The following CNTNAP2 variants were observed in gnomAD, a reference collection of about 807,000 sequenced individuals.
The protein encoded by CNTNAP2 is contactin associated protein 2.
A neutral mutation model predicts 155.2 loss-of-function variants in CNTNAP2; 98 were observed. The observed-to-expected ratio is 0.63, with a 90% CI of 0.54 to 0.75. The LOEUF is 0.75. Ranked by LOEUF, CNTNAP2 falls within the 30% of genes least tolerant of loss-of-function variation. The pLI is 0.00. For synonymous variants in CNTNAP2, 651 were observed against 631.2 expected (o/e 1.03, Z -0.47); for missense variants, 1,727 against 1,688.1 (o/e 1.02, Z -0.40).
chr7:146,611,050 G>A (rs1030443072), intron 1 of CNTNAP2, among the ~76,000 whole-genome samples: 1 of 152,170 alleles, frequency 6.6e-6, no homozygotes, highest in Admixed American at 6.5e-5. Flanking sequence ...ATGATTTCAG[G>A]AAGCATTAAA....
chr7:147,258,567 G>A (rs1199927375), intron 8 of CNTNAP2, among the ~76,000 whole-genome samples: 4 of 151,972 alleles, frequency 2.6e-5, no homozygotes, highest in Non-Finnish European at 4.4e-5. Context: ...CCAGTCCCCT[G>A]AATGAACTCA....
In CNTNAP2 at chr7:148,132,389, T is replaced by A. The variant is rs1429193030; in HGVS notation, c.2554+14101T>A. Among the ~76,000 whole-genome samples, 13 of 152,026 alleles carry A rather than the reference T, an allele frequency of 8.6e-5. No individual in the cohort carries two copies. In the East Asian group the frequency reaches 1.9e-3, roughly 23 times the overall value. On this transcript the variant is annotated intron_variant, in intron 16 of 23. Coordinates refer to ENST00000361727, the MANE Select transcript of CNTNAP2 (RefSeq NM_014141.6). ...TTTTACCTTTAATTTTTTAATTTTTTTTTTTTTTTTAGTTTAGGTACTTCT... is the reference window on the plus strand; with the variant it reads ...TTTTACCTTTAATTTTTTAATTTTTATTTTTTTTTTAGTTTAGGTACTTCT...
At chr7:146,444,024 T>C (rs1464024749) in intron 1 of CNTNAP2, among the ~76,000 whole-genome samples, 2 of 152,134 alleles carry the variant, frequency 1.3e-5, no homozygotes, top group East Asian at 3.9e-4. Flanking sequence ...GTATTTATCA[T>C]GTTATTTATT....
intron 1 of CNTNAP2, among the ~76,000 whole-genome samples, chr7:146,202,525 G>A (rs976823237): frequency 6.6e-5 from 10 of 151,754 alleles, no homozygotes; most frequent in South Asian, 2.1e-4. Flanking sequence ...TTACACTTCC[G>A]GCAATCCAAA....
chr7:148,266,971 G>T, intron 20 of CNTNAP2, 62 bp from the exon 21 acceptor site: 1 of 1,463,798 alleles, frequency 6.8e-7, no homozygotes, highest in Admixed American at 1.7e-5. Flanking sequence ...CCACAGGGAA[G>T]ATTTGGTTCC....
intron 10 of CNTNAP2, among the ~76,000 whole-genome samples, chr7:147,482,472 A>G (rs1798437589): frequency 6.6e-6 from 1 of 152,012 alleles, no homozygotes; most frequent in Non-Finnish European, 1.5e-5. Flanking sequence ...TAATCCCAGC[A>G]CTTTGGGAGT....
intron 8 of CNTNAP2, among the ~76,000 whole-genome samples, chr7:147,268,450 G>T (rs963173610): frequency 6.6e-6 from 1 of 152,108 alleles, no homozygotes; most frequent in Non-Finnish European, 1.5e-5. Context: ...GCATAAGTGG[G>T]AGTTGAATAA....
chr7:146,810,246 A>G (rs1803039572), intron 2 of CNTNAP2, among the ~76,000 whole-genome samples: 1 of 147,362 alleles, frequency 6.8e-6, no homozygotes, highest in Non-Finnish European at 1.5e-5. Flanking sequence ...TCTTTTGATT[A>G]CTACAGTTTT....
chr7:148,306,561 GT>G (rs1175843033), intron 21 of CNTNAP2, among the ~76,000 whole-genome samples: 2 of 151,870 alleles, frequency 1.3e-5, no homozygotes, highest in East Asian at 3.9e-4. Flanking sequence ...CTCTCATTGA[GT>G]TTTTCACTTC....
chr7:146,449,184 T>C (rs1424764466), intron 1 of CNTNAP2, among the ~76,000 whole-genome samples: 1 of 152,124 alleles, frequency 6.6e-6, no homozygotes, highest in Non-Finnish European at 1.5e-5. Context: ...GGTTCTTCTT[T>C]ATATCTTCTA....
chr7:148,056,163 G>A lies in CNTNAP2; in HGVS notation c.2384-61955G>A, dbSNP rs553694828. Among the ~76,000 whole-genome samples, 6 of 152,274 alleles carry A rather than the reference G, an allele frequency of 3.9e-5. No homozygotes were observed. In the South Asian group the frequency reaches 1.2e-3, roughly 32 times the overall value. On this transcript the variant is annotated intron_variant, in intron 15 of 23. Transcript: ENST00000361727. Reference sequence around the variant, plus strand: ...CTCATTGAGAAGGGAGGGAGCTTTGGGGAGACAGTGAGAGAAGAGAATTTA... The same window carrying A: ...CTCATTGAGAAGGGAGGGAGCTTTGAGGAGACAGTGAGAGAAGAGAATTTA...
intron 22 of CNTNAP2, among the ~76,000 whole-genome samples, chr7:148,391,914 GAGTGTTTTATCAC>G (rs1052113679): frequency 1.7e-4 from 26 of 152,296 alleles, no homozygotes; most frequent in African/African-American, 6.0e-4. Flanking sequence ...TTAAGCCTTA[GAGTGTTTTATCAC>G]ATTCGTGATA....
intron 1 of CNTNAP2, among the ~76,000 whole-genome samples, chr7:146,401,075 G>T (rs1795707133): frequency 6.6e-6 from 1 of 152,174 alleles, no homozygotes; most frequent in East Asian, 1.9e-4. Flanking sequence ...AAGGGCTATA[G>T]ATGAAGAACA....
At chr7:146,924,764 G>A (rs577956675) in intron 3 of CNTNAP2, among the ~76,000 whole-genome samples, 124 of 151,980 alleles carry the variant, frequency 8.2e-4, no homozygotes, top group Non-Finnish European at 1.6e-3. Context: ...AAGACCTGAA[G>A]AGTTTTTTGT....
chr7:147,828,753 G>C (rs769871956), intron 13 of CNTNAP2, among the ~76,000 whole-genome samples: 5 of 152,126 alleles, frequency 3.3e-5, no homozygotes, highest in Non-Finnish European at 5.9e-5. Flanking sequence ...TTTTGTGAAA[G>C]AGTAATTAAA....
At chr7:147,611,531 C>G (rs12539960) in intron 12 of CNTNAP2, among the ~76,000 whole-genome samples, 104,131 of 152,064 alleles carry the variant, frequency 0.68, 36,080 homozygotes, top group African/African-American at 0.78. Context: ...TGCTTTCCTA[C>G]AAAAAAAGAC....
intron 1 of CNTNAP2, among the ~76,000 whole-genome samples, chr7:146,471,951 G>C (rs1796805091): frequency 6.6e-6 from 1 of 152,116 alleles, no homozygotes; most frequent in Non-Finnish European, 1.5e-5. Context: ...CAGTTTCCCA[G>C]ATTTCTTAAG....
At chr7:147,285,385 T>C (rs370831640) in intron 8 of CNTNAP2, among the ~76,000 whole-genome samples, 3 of 151,892 alleles carry the variant, frequency 2.0e-5, no homozygotes, top group African/African-American at 7.2e-5. Flanking sequence ...TTCTTTATGA[T>C]TATTATGGAA....
At chr7:146,177,969 G>GC in intron 1 of CNTNAP2, among the ~76,000 whole-genome samples, 1 of 152,278 alleles carries the variant, frequency 6.6e-6, no homozygotes, top group Non-Finnish European at 1.5e-5. Context: ...CTATGAGAAT[G>GC]CCTGTAGGTT....
Sources: allele counts gnomAD v4.1 joint callset (sites outside exome capture counted in the v4.1 genomes callset), GRCh38; gene constraint gnomAD v4.1.1; transcripts MANE v1.5; gene names NCBI Gene and HGNC (gene_info 2026-07-23, HGNC 2026-07-21).